The following SOX5 variants were observed in gnomAD, a reference collection of about 807,000 sequenced individuals.
The protein encoded by SOX5 is transcription factor SOX-5.
SOX5 carries 9 observed loss-of-function variants against 92.0 expected under a neutral mutation model. That is an observed-to-expected ratio of 0.10 (90% CI 0.06 to 0.17). SOX5 has a LOEUF of 0.17. SOX5 is among the 10% of genes least tolerant of loss of function. The probability of loss-of-function intolerance (pLI) is 1.00; values close to 1 mark genes in which losing one functional copy is unlikely to be tolerated. For synonymous variants in SOX5, 344 were observed against 336.3 expected (o/e 1.02, Z -0.25); for missense variants, 642 against 944.5 (o/e 0.68, Z 4.20).
At chr12:24,223,806 A>C (rs1005437222) in intron 3 of SOX5, among the ~76,000 whole-genome samples, 6 of 151,968 alleles carry the variant, frequency 3.9e-5, no homozygotes, top group East Asian at 1.9e-4. Context: ...AACAAACAAA[A>C]AAACATACAC....
chr12:23,948,570 CT>C (rs1389796193), intron 1 of SOX5, among the ~76,000 whole-genome samples: 2 of 151,588 alleles, frequency 1.3e-5, no homozygotes, highest in Admixed American at 6.6e-5. Flanking sequence ...GAAAAAAAGC[CT>C]GGGTATCATG....
intron 2 of SOX5, among the ~76,000 whole-genome samples, chr12:24,339,319 A>T (rs1305932616): frequency 6.6e-6 from 1 of 152,152 alleles, no homozygotes; most frequent in Non-Finnish European, 1.5e-5. Context: ...CCTTCATCAC[A>T]GCTGATGGGC....
chr12:24,507,842 TATA>T (rs1263732719), intron 1 of SOX5, among the ~76,000 whole-genome samples: 2 of 152,160 alleles, frequency 1.3e-5, no homozygotes, highest in African/African-American at 4.8e-5. Context: ...TAACATTGAA[TATA>T]ATAATTGTTT....
chr12:24,283,839 G>A (rs1945509117), intron 2 of SOX5, among the ~76,000 whole-genome samples: 1 of 152,132 alleles, frequency 6.6e-6, no homozygotes, highest in Admixed American at 6.5e-5. Flanking sequence ...CAAAGTTTTA[G>A]TTATAATCAT....
intron 4 of SOX5, among the ~76,000 whole-genome samples, chr12:24,123,049 G>C (rs1029900742): frequency 2.0e-5 from 3 of 152,226 alleles, no homozygotes; most frequent in African/African-American, 7.2e-5. Context: ...TTCTGAAGGA[G>C]AGCAGAACAG....
chr12:24,158,812 C>G (rs900148830), intron 4 of SOX5, among the ~76,000 whole-genome samples: 1 of 151,780 alleles, frequency 6.6e-6, no homozygotes, highest in African/African-American at 2.4e-5. Flanking sequence ...TTTATGTCAC[C>G]TAAGCAAGTA....
intron 11 of SOX5, among the ~76,000 whole-genome samples, chr12:23,557,382 T>C (rs932834371): frequency 6.6e-6 from 1 of 152,246 alleles, no homozygotes; most frequent in Non-Finnish European, 1.5e-5. Context: ...CAGCTATGAT[T>C]TATAATGACA....
chr12:23,946,472 T>C (rs537069562), intron 1 of SOX5, among the ~76,000 whole-genome samples: 8 of 152,116 alleles, frequency 5.3e-5, no homozygotes, highest in African/African-American at 1.4e-4. Context: ...AAAATGGACA[T>C]TTTTACTTAT....
rs1224739769 is a variant in SOX5, at chr12:24,505,285, G to A, written c.-251+57044C>T. 5.9e-5 allele frequency among the ~76,000 whole-genome samples: 9 copies of A among 152,302 alleles called. No homozygotes were observed. The East Asian group carries it at 1.5e-3, about 26-fold the overall frequency. On this transcript the variant is annotated intron_variant, in intron 1 of 4. Coordinates refer to the SOX5 transcript ENST00000446891. ...CTTATAATGTGGAAAACCTTGAGTTGTATCTGGAACAAAGAAGAACTCACA... is the reference window on the plus strand; with the variant it reads ...CTTATAATGTGGAAAACCTTGAGTTATATCTGGAACAAAGAAGAACTCACA...
chr12:23,562,673 T>G (rs939207447), intron 11 of SOX5, among the ~76,000 whole-genome samples: 8 of 152,122 alleles, frequency 5.3e-5, no homozygotes, highest in African/African-American at 1.9e-4. Flanking sequence ...CTTGAAATCA[T>G]TGTCTCTCAG....
intron 2 of SOX5, among the ~76,000 whole-genome samples, chr12:23,847,683 T>C (rs1334230598): frequency 6.6e-6 from 1 of 151,254 alleles, no homozygotes; most frequent in Non-Finnish European, 1.5e-5. Flanking sequence ...AAAAAAAAAA[T>C]GTGCACAACA....
At chr12:23,817,224 G>C (rs1168494310) in intron 3 of SOX5, among the ~76,000 whole-genome samples, 1 of 152,138 alleles carries the variant, frequency 6.6e-6, no homozygotes, top group Non-Finnish European at 1.5e-5. Flanking sequence ...AGCCCTCCGA[G>C]TAAGATTAAG....
At chr12:23,699,853 G>A (rs2090379770) in intron 6 of SOX5, among the ~76,000 whole-genome samples, 1 of 152,160 alleles carries the variant, frequency 6.6e-6, no homozygotes, top group Admixed American at 6.6e-5. Context: ...GGGAAGCAGT[G>A]TAGCCTAGTG....
chr12:24,029,188 G>T (rs1357820197), intron 4 of SOX5, among the ~76,000 whole-genome samples: 1 of 151,964 alleles, frequency 6.6e-6, no homozygotes, highest in Non-Finnish European at 1.5e-5. Flanking sequence ...TTAAATCCGT[G>T]TATTTCCTCA....
intron 2 of SOX5, among the ~76,000 whole-genome samples, chr12:24,353,348 G>C (rs1330643280): frequency 6.6e-6 from 1 of 152,082 alleles, no homozygotes; most frequent in Admixed American, 6.5e-5. Flanking sequence ...CTATGGAAGG[G>C]CCTCTTCTCT....
intron 3 of SOX5, among the ~76,000 whole-genome samples, chr12:23,790,805 A>C (rs2095462509): frequency 6.6e-6 from 1 of 152,162 alleles, no homozygotes; most frequent in Non-Finnish European, 1.5e-5. Flanking sequence ...TATTGAGTAC[A>C]GACAAAGGGC....
At chr12:23,761,897 C>T (rs1183747256) in intron 3 of SOX5, among the ~76,000 whole-genome samples, 4 of 152,024 alleles carry the variant, frequency 2.6e-5, no homozygotes, top group African/African-American at 7.3e-5. Context: ...AGAATAAATA[C>T]AAGTTAGTGC....
intron 1 of SOX5, among the ~76,000 whole-genome samples, chr12:24,426,074 C>T (rs913471518): frequency 6.6e-6 from 1 of 152,180 alleles, no homozygotes; most frequent in African/African-American, 2.4e-5. Flanking sequence ...GTGGCTCGTG[C>T]CTGTAATCCC....
intron 4 of SOX5, among the ~76,000 whole-genome samples, chr12:24,106,296 CAAG>C (rs1266488106): frequency 6.6e-6 from 1 of 151,562 alleles, no homozygotes; most frequent in Non-Finnish European, 1.5e-5. Context: ...TGATTACAAA[CAAG>C]AAGAATCTTC....
Sources: gnomAD v4.1 joint callset for allele counts (sites outside exome capture counted in the v4.1 genomes callset) on GRCh38, gnomAD v4.1.1 for gene constraint, MANE v1.5 for transcripts, NCBI Gene and HGNC (gene_info 2026-07-23, HGNC 2026-07-21) for gene names.